The following GAREM1 variants were observed in gnomAD, a reference collection of about 807,000 sequenced individuals.
The protein encoded by GAREM1 is GRB2 associated regulator of MAPK1 subtype 1, also known as GRB2-associated and regulator of MAPK protein 1.
GAREM1 carries 26 observed loss-of-function variants against 71.3 expected under a neutral mutation model. The ratio of observed to expected loss-of-function variants is 0.36; its 90% CI spans 0.27 to 0.51. GAREM1 has a LOEUF of 0.51. Ranked by LOEUF, GAREM1 falls within the 20% of genes least tolerant of loss-of-function variation. GAREM1 has a pLI of 0.95. For missense variants in GAREM1, 1,026 were observed against 1,103.1 expected (o/e 0.93, Z 0.99); for synonymous variants, 440 against 433.2 (o/e 1.02, Z -0.20).
intron 1 of GAREM1, among the ~76,000 whole-genome samples, chr18:32,428,467 C>T (rs552198269): frequency 3.0e-4 from 45 of 152,168 alleles, no homozygotes; most frequent in African/African-American, 1.0e-3. Context: ...AGTGAGTTCT[C>T]GTGAGATCTG....
Position 32,407,263 on chromosome 18 carries a change from A to T in GAREM1, c.122-14228T>A, listed in dbSNP as rs188016521. Among the ~76,000 whole-genome samples the T allele has an allele frequency of 3.3e-5, 5 of 152,282 alleles. No homozygotes were observed. The East Asian group carries it at 9.7e-4, about 29-fold the overall frequency. ...GCTTAGTTGCTGTCCTGTTCTAATC[A>T]CATGTAAAAATGAGAACATAGTTGC... On this transcript the variant is annotated intron_variant, in intron 1 of 5. Transcript: ENST00000269209.
chr18:32,438,338 G>C (rs1196384233), intron 1 of GAREM1, among the ~76,000 whole-genome samples: 1 of 152,168 alleles, frequency 6.6e-6, no homozygotes, highest in Non-Finnish European at 1.5e-5. Context: ...TTCACAGGTC[G>C]TGCTAAGCCC....
chr18:32,375,989 T>TA (rs1197013580), intron 2 of GAREM1, among the ~76,000 whole-genome samples: 1,949 of 147,546 alleles, frequency 0.013, 50 homozygotes, highest in African/African-American at 0.046. Flanking sequence ...TAGTTGAATG[T>TA]AAAAAAAAAA....
intron 1 of GAREM1, 119 bp from the exon 2 acceptor site, chr18:32,393,154 G>T: frequency 4.7e-6 from 4 of 856,644 alleles, no homozygotes; most frequent in Non-Finnish European, 6.8e-6. Context: ...TTCATCCCAA[G>T]ATGAGATAAA....
chr18:32,367,451 T>G (rs1457350509), intron 2 of GAREM1, among the ~76,000 whole-genome samples: 2 of 152,202 alleles, frequency 1.3e-5, no homozygotes, highest in African/African-American at 4.8e-5. Context: ...ATATTTAGTT[T>G]TATAGATTTA....
intron 2 of GAREM1, among the ~76,000 whole-genome samples, chr18:32,389,477 T>C (rs2048176162): frequency 6.6e-6 from 1 of 152,202 alleles, no homozygotes; most frequent in South Asian, 2.1e-4. Context: ...TAAAGAGGTT[T>C]AGTAGCTTGC....
Position 32,307,592 on chromosome 18 carries a change from G to A in GAREM1, c.393+2601C>T, listed in dbSNP as rs983248775. ...GGCTGGAGTGCAATGGCGTGATCTC[G>A]GCTCACCGCAACCTCTGCCTCCTGG... On this transcript the variant is annotated intron_variant, in intron 3 of 5. Transcript: ENST00000269209. Among the ~76,000 whole-genome samples the A allele has an allele frequency of 4.6e-5, 7 of 152,022 alleles. No homozygotes were observed. The East Asian group carries it at 1.2e-3, about 25-fold the overall frequency.
intron 2 of GAREM1, among the ~76,000 whole-genome samples, chr18:32,315,435 T>C (rs1411494978): frequency 6.8e-6 from 1 of 146,552 alleles, no homozygotes; most frequent in Non-Finnish European, 1.5e-5. Flanking sequence ...AAAGTATATA[T>C]AAAAAAATAT....
chr18:32,359,273 G>A (rs1005708341), intron 2 of GAREM1, among the ~76,000 whole-genome samples: 7 of 152,054 alleles, frequency 4.6e-5, no homozygotes, highest in South Asian at 2.1e-4. Context: ...TCTAACTCTT[G>A]GAGCAGTTTC....
At chr18:32,463,326 A>G (rs2048969344) in intron 1 of GAREM1, among the ~76,000 whole-genome samples, 1 of 63,180 alleles carries the variant, frequency 1.6e-5, no homozygotes, top group African/African-American at 7.5e-5. Context: ...TGTTCTCTGG[A>G]AAAAAAAATA....
intron 3 of GAREM1, among the ~76,000 whole-genome samples, chr18:32,292,084 T>C (rs573079604): frequency 3.9e-4 from 60 of 152,334 alleles, no homozygotes; most frequent in African/African-American, 1.4e-3. Context: ...TCCACAATGG[T>C]TGAACTAATT....
intron 2 of GAREM1, among the ~76,000 whole-genome samples, chr18:32,314,876 C>T (rs991038152): frequency 7.2e-5 from 11 of 152,002 alleles, no homozygotes; most frequent in South Asian, 4.2e-4. Flanking sequence ...TGTGAGCCAC[C>T]GCGCCCTGCC....
At chr18:32,390,996 G>C (rs1013213444) in intron 2 of GAREM1, among the ~76,000 whole-genome samples, 11 of 152,148 alleles carry the variant, frequency 7.2e-5, no homozygotes, top group African/African-American at 2.4e-4. Context: ...AGATCCAAAG[G>C]CTTCAGGTGT....
Position 32,288,031 on chromosome 18 carries a change from T to C in GAREM1, c.566A>G (p.Lys189Arg). 6.2e-7 allele frequency: 1 copy of C among 1,614,184 alleles called. No homozygotes were observed. Among genetic ancestry groups the C allele is most frequent in the Admixed American group, 1.7e-5 (1 of 60,024 alleles). Residue 189 changes from lysine (K) to arginine (R), a missense_variant, in exon 4 of 6, where the codon AAG becomes AGG. Transcript: ENST00000269209. ...KKIGKLNSIS[K>R]LGKGKMPCLI... Reference sequence around the variant, plus strand: ...GCACGGCATTTTGCCTTTTCCCAGCTTGCTGATGGAATTGAGCTTCCCAAT... The same window carrying C: ...GCACGGCATTTTGCCTTTTCCCAGCCTGCTGATGGAATTGAGCTTCCCAAT...
intron 2 of GAREM1, among the ~76,000 whole-genome samples, chr18:32,312,425 GA>G (rs774829470): frequency 2.0e-5 from 3 of 152,176 alleles, no homozygotes; most frequent in Non-Finnish European, 4.4e-5. Flanking sequence ...ACAGGACAGT[GA>G]AATGAGGGCT....
intron 1 of GAREM1, among the ~76,000 whole-genome samples, chr18:32,399,492 A>G: frequency 6.6e-6 from 1 of 152,254 alleles, no homozygotes. Context: ...TACAAAATCA[A>G]TGTGCAAAAA....
intron 2 of GAREM1, among the ~76,000 whole-genome samples, chr18:32,377,214 G>T (rs1309726969): frequency 6.6e-6 from 1 of 152,168 alleles, no homozygotes; most frequent in East Asian, 1.9e-4. Context: ...CCACAGAAGA[G>T]AAGAAATTAA....
chr18:32,435,638 CAG>C (rs1568010558), intron 1 of GAREM1, among the ~76,000 whole-genome samples: 1 of 151,728 alleles, frequency 6.6e-6, no homozygotes, highest in Admixed American at 6.6e-5. Flanking sequence ...AATGGTGACA[CAG>C]AATAAAAATT....
At chr18:32,454,806 C>T (rs891078204) in intron 1 of GAREM1, among the ~76,000 whole-genome samples, 1 of 151,930 alleles carries the variant, frequency 6.6e-6, no homozygotes, top group African/African-American at 2.4e-5. Flanking sequence ...GTGTATTAGT[C>T]GGGGAAGCTT....
Sources: allele counts gnomAD v4.1 joint callset (sites outside exome capture counted in the v4.1 genomes callset), GRCh38; gene constraint gnomAD v4.1.1; transcripts MANE v1.5; gene names NCBI Gene and HGNC (gene_info 2026-07-23, HGNC 2026-07-21).